The following NDST4 variants were observed in gnomAD, a reference collection of about 807,000 sequenced individuals.
The protein encoded by NDST4 is N-heparan sulfate sulfotransferase 4.
Under a neutral mutation model 100.8 loss-of-function variants are expected in NDST4, and 63 were observed. That is an observed-to-expected ratio of 0.62 (90% CI 0.51 to 0.77). The LOEUF is 0.77. NDST4 is among the 30% of genes least tolerant of loss of function. NDST4 has a pLI of 0.00. For synonymous variants in NDST4, 377 were observed against 361.8 expected (o/e 1.04, Z -0.48); for missense variants, 943 against 1,018.4 (o/e 0.93, Z 1.01).
chr4:115,060,325 C>G (rs935930736), intron 2 of NDST4, among the ~76,000 whole-genome samples: 1 of 151,864 alleles, frequency 6.6e-6, no homozygotes. Flanking sequence ...GGAATTAACT[C>G]TATTTACTGT....
intron 12 of NDST4, among the ~76,000 whole-genome samples, chr4:114,830,863 A>G (rs538600568): frequency 1.3e-5 from 2 of 152,272 alleles, no homozygotes; most frequent in South Asian, 4.1e-4. Flanking sequence ...TGCACCTGCA[A>G]TTTGCTTCTG....
At chr4:114,859,915 G>T (rs771960007) in intron 7 of NDST4, among the ~76,000 whole-genome samples, 4 of 152,122 alleles carry the variant, frequency 2.6e-5, no homozygotes, top group Non-Finnish European at 5.9e-5. Flanking sequence ...CTCACATTCT[G>T]CTTCTAGGGA....
chr4:115,020,800 C>T (rs774795448), intron 2 of NDST4, among the ~76,000 whole-genome samples: 7 of 151,960 alleles, frequency 4.6e-5, no homozygotes, highest in African/African-American at 9.7e-5. Context: ...TGGCCAACAT[C>T]GTATGAAAAA....
chr4:115,003,217 G>C (rs1409286444), intron 2 of NDST4, among the ~76,000 whole-genome samples: 1 of 152,084 alleles, frequency 6.6e-6, no homozygotes, highest in Non-Finnish European at 1.5e-5. Context: ...TGCACGTTCT[G>C]CATATGTATC....
intron 1 of NDST4, among the ~76,000 whole-genome samples, chr4:115,085,333 T>A (rs1729389036): frequency 6.6e-6 from 1 of 152,196 alleles, no homozygotes; most frequent in South Asian, 2.1e-4. Context: ...TTGTCTCATA[T>A]GAGACTTTGG....
intron 2 of NDST4, among the ~76,000 whole-genome samples, chr4:115,032,179 T>A (rs1241850716): frequency 6.6e-6 from 1 of 152,126 alleles, no homozygotes; most frequent in Non-Finnish European, 1.5e-5. Context: ...AAGGTGCTGA[T>A]GTGAAGCTAT....
chr4:114,975,732 A>T (rs1726618277), intron 3 of NDST4, among the ~76,000 whole-genome samples: 1 of 152,126 alleles, frequency 6.6e-6, no homozygotes, highest in South Asian at 2.1e-4. Flanking sequence ...TTTAAGACAA[A>T]ATAGTATTGT....
At chr4:115,105,101 T>C (rs1729808766) in intron 1 of NDST4, among the ~76,000 whole-genome samples, 2 of 152,278 alleles carry the variant, frequency 1.3e-5, no homozygotes, top group South Asian at 4.1e-4. Context: ...AATCCTGATC[T>C]GGTGGAAACC....
intron 6 of NDST4, among the ~76,000 whole-genome samples, chr4:114,913,693 A>G (rs1244564927): frequency 1.3e-5 from 2 of 150,516 alleles, no homozygotes. Flanking sequence ...CCAGAATGGT[A>G]TGCAAGAACC....
intron 6 of NDST4, among the ~76,000 whole-genome samples, chr4:114,898,022 T>C (rs1724753576): frequency 6.6e-6 from 1 of 152,234 alleles, no homozygotes. Flanking sequence ...CTCATTCTTT[T>C]GATGCTGTAT....
At chr4:114,934,067 T>G (rs1725572167) in intron 6 of NDST4, among the ~76,000 whole-genome samples, 1 of 152,202 alleles carries the variant, frequency 6.6e-6, no homozygotes, top group Non-Finnish European at 1.5e-5. Flanking sequence ...TTATTCACAG[T>G]AGCCTAAACA....
intron 6 of NDST4, among the ~76,000 whole-genome samples, chr4:114,900,443 T>C (rs1368166722): frequency 6.6e-6 from 1 of 152,272 alleles, no homozygotes; most frequent in East Asian, 1.9e-4. Context: ...ATGGACTACA[T>C]AACAGTGTTT....
chr4:115,010,347 T>C (rs1181439748), intron 2 of NDST4, among the ~76,000 whole-genome samples: 1 of 128,346 alleles, frequency 7.8e-6, no homozygotes, highest in Non-Finnish European at 1.7e-5. Context: ...CATGGAATAC[T>C]ATGCAGCCAT....
chr4:114,929,043 T>TCCGTCCGC (rs1209746308), intron 6 of NDST4, among the ~76,000 whole-genome samples: 1 of 77,262 alleles, frequency 1.3e-5, no homozygotes, highest in African/African-American at 3.7e-5. Context: ...TGTCTGTCTG[T>TCCGTCCGC]CCGTCCGTCC....
At chr4:115,081,708 G>A (rs1729307144) in intron 1 of NDST4, among the ~76,000 whole-genome samples, 1 of 152,100 alleles carries the variant, frequency 6.6e-6, no homozygotes, top group Non-Finnish European at 1.5e-5. Flanking sequence ...AGTCTAAGGT[G>A]ATACACCAAA....
intron 2 of NDST4, among the ~76,000 whole-genome samples, chr4:115,000,747 T>A (rs1186443425): frequency 6.6e-6 from 1 of 152,136 alleles, no homozygotes; most frequent in Non-Finnish European, 1.5e-5. Flanking sequence ...TTCATCCAAA[T>A]CTTTCCATTA....
intron 7 of NDST4, among the ~76,000 whole-genome samples, chr4:114,860,400 A>T (rs549945153): frequency 6.6e-6 from 1 of 152,314 alleles, no homozygotes; most frequent in African/African-American, 2.4e-5. Flanking sequence ...GCAGATTCCC[A>T]GCTAGAGAGT....
chr4:115,039,387 C>A (rs1215740699), intron 2 of NDST4, among the ~76,000 whole-genome samples: 1 of 151,932 alleles, frequency 6.6e-6, no homozygotes, highest in Non-Finnish European at 1.5e-5. Flanking sequence ...GACATATGAA[C>A]CTCAGAGCTA....
chr4:115,090,481 T>G (rs1729493397), intron 1 of NDST4, among the ~76,000 whole-genome samples: 1 of 151,958 alleles, frequency 6.6e-6, no homozygotes, highest in South Asian at 2.1e-4. Context: ...ATGAAATAAT[T>G]TATTCTCAAT....
Sources: gnomAD v4.1 joint callset for allele counts (sites outside exome capture counted in the v4.1 genomes callset) on GRCh38, gnomAD v4.1.1 for gene constraint, MANE v1.5 for transcripts, NCBI Gene and HGNC (gene_info 2026-07-23, HGNC 2026-07-21) for gene names.